ABCA13: variants seen among roughly 807,000 people sequenced by gnomAD.
ABCA13 encodes ATP binding cassette subfamily A member 13, also known as ATP-binding cassette sub-family A member 13.
In ABCA13, 476 loss-of-function variants were observed where a neutral mutation model predicts 478.7. That is an observed-to-expected ratio of 0.99 (90% confidence interval 0.92 to 1.07). The LOEUF is 1.07. Ranked by LOEUF, ABCA13 falls within the 50% of genes least tolerant of loss-of-function variation. The pLI is 0.00. For missense variants in ABCA13, 6,060 were observed against 5,910.6 expected, an observed-to-expected ratio of 1.03 and a Z score of -0.83; for synonymous variants, 2,252 against 2,158.9, an observed-to-expected ratio of 1.04 and a Z score of -1.20.
chr7:48,314,712 G>A (rs904440067), intron 26 of ABCA13, among the ~76,000 whole-genome samples: 1 of 152,108 alleles, frequency 6.6e-6, no homozygotes, highest in African/African-American at 2.4e-5. Context: ...GAGGGTCCAG[G>A]CATAAAGACC....
At chr7:48,179,465 G>A (rs573563898) in intron 1 of ABCA13, among the ~76,000 whole-genome samples, 1 of 152,168 alleles carries the variant, frequency 6.6e-6, no homozygotes. Context: ...GTTCCCCTGA[G>A]GGGTAGTACC....
At chr7:48,395,071 G>T (rs1233552839) in intron 38 of ABCA13, among the ~76,000 whole-genome samples, 1 of 152,218 alleles carries the variant, frequency 6.6e-6, no homozygotes, top group Non-Finnish European at 1.5e-5. Flanking sequence ...GCGTCCACAG[G>T]CCTCTCTCTT....
chr7:48,630,028 T>C (rs1045613092), intron 59 of ABCA13, among the ~76,000 whole-genome samples: 25 of 152,314 alleles, frequency 1.6e-4, no homozygotes, highest in African/African-American at 6.0e-4. Context: ...TTTGTTCTAC[T>C]TTTCCTTTTA....
Position 48,492,314 on chromosome 7 carries a change from T to C in ABCA13, c.13291+2970T>C, listed in dbSNP as rs532028479. ...GTCTTCTCCTGCATCACCTTAAGCA[T>C]TTCTGCTTAACTTTCTAGGCCCATC... On this transcript the variant is annotated intron_variant, in intron 48 of 61. Transcript: ENST00000435803. Among the ~76,000 whole-genome samples, 46 of 152,308 alleles carry C rather than the reference T, an allele frequency of 3.0e-4. No individual in the cohort carries two copies. In the South Asian group the frequency reaches 3.3e-3, roughly 11 times the overall value.
chr7:48,202,298 C>T (rs1798877142), intron 3 of ABCA13, among the ~76,000 whole-genome samples: 1 of 152,104 alleles, frequency 6.6e-6, no homozygotes, highest in Non-Finnish European at 1.5e-5. Flanking sequence ...GTTTATAATC[C>T]CTGAGCTAGA....
rs1271575709 is a variant in ABCA13, at chr7:48,192,044, CT to C, written c.70-911del. Among the ~76,000 whole-genome samples the C allele has an allele frequency of 2.0e-5, 3 of 152,164 alleles. No homozygotes were observed. The East Asian group carries it at 5.8e-4, about 29-fold the overall frequency. ...TGCCTACTTTTTGTCTGGCTATAAA[CT>C]TTTGTATTTGCAAAATGATGTCACA... is the stretch of plus-strand genomic sequence containing the variant. On this transcript the variant is annotated intron_variant, in intron 1 of 61. Coordinates refer to ENST00000435803, the MANE Select transcript of ABCA13 (RefSeq NM_152701.5).
At chr7:48,223,104 A>G (rs1787612658) in intron 5 of ABCA13, among the ~76,000 whole-genome samples, 2 of 152,122 alleles carry the variant, frequency 1.3e-5, no homozygotes. Flanking sequence ...AGATGACTCT[A>G]TGTGGTTTGA....
Position 48,239,339 on chromosome 7 carries a change from C to G in ABCA13, c.996C>G (p.His332Gln). ...AEKWGHVGGC[H>Q]PKWSEAKNYL... Reference sequence around the variant, plus strand: ...AATGGGGCCACGTTGGAGGCTGCCACCCTAAGTGGTCAGAAGCCAAAAACT... The same window carrying G: ...AATGGGGCCACGTTGGAGGCTGCCAGCCTAAGTGGTCAGAAGCCAAAAACT... The change falls in exon 9 of 62, where the codon CAC becomes CAG. Residue 332 changes from histidine to glutamine, a missense_variant. Physicochemically the swap from His to Gln is conservative, Grantham distance 24. Coordinates refer to ENST00000435803, the MANE Select transcript of ABCA13 (RefSeq NM_152701.5). 6.2e-7 allele frequency: 1 copy of G among 1,613,932 alleles called. No homozygotes were observed. The highest frequency in any genetic ancestry group is 8.5e-7 in the Non-Finnish European group (1 of 1,179,842).
intron 31 of ABCA13, among the ~76,000 whole-genome samples, chr7:48,365,176 A>G (rs1811480174): frequency 1.3e-5 from 2 of 152,098 alleles, no homozygotes; most frequent in East Asian, 1.9e-4. Context: ...TGTTCAGCAT[A>G]TATTTGTATA....
intron 41 of ABCA13, among the ~76,000 whole-genome samples, chr7:48,415,290 G>A (rs1324602126): frequency 6.6e-6 from 1 of 151,194 alleles, no homozygotes; most frequent in Non-Finnish European, 1.5e-5. Context: ...GCCATCCTGG[G>A]TCACTTGGAA....
intron 39 of ABCA13, among the ~76,000 whole-genome samples, chr7:48,405,664 T>C (rs1029184588): frequency 6.6e-6 from 1 of 152,234 alleles, no homozygotes; most frequent in Non-Finnish European, 1.5e-5. Flanking sequence ...AGCCCACTAC[T>C]CTTGTTTAGT....
At chr7:48,194,182 T>G (rs2128901055) in intron 2 of ABCA13, among the ~76,000 whole-genome samples, 6 of 14 alleles carry the variant, frequency 0.43, 3 homozygotes, top group Non-Finnish European at 1. Flanking sequence ...ATGATGCTGA[T>G]AGTGATAATG....
rs377401561 is a variant in ABCA13, at chr7:48,512,921, G to A, written c.13640+1722G>A. Among the ~76,000 whole-genome samples the A allele has an allele frequency of 1.4e-3, 207 of 152,298 alleles. 1 individual carries two copies. Among genetic ancestry groups the A allele is most frequent in the African/African-American group, 4.9e-3 (202 of 41,562 alleles). On this transcript the variant is annotated intron_variant, in intron 51 of 61. Coordinates refer to ENST00000435803, the MANE Select transcript of ABCA13 (RefSeq NM_152701.5). The stretch of plus-strand genomic sequence containing the variant: ...AACTCAGACCGTGTTTGTAATCATG[G>A]CTAATCCCAGGGAAGAAGAGCCCCC...
chr7:48,272,689 G>T lies in ABCA13; in HGVS notation c.3023G>T (p.Ser1008Ile). 1 of 1,612,350 alleles carries T rather than the reference G, an allele frequency of 6.2e-7. No individual in the cohort carries two copies. Among genetic ancestry groups the T allele is most frequent in the Non-Finnish European group, 8.5e-7 (1 of 1,179,000 alleles). The change falls in exon 17 of 62, where the codon AGT becomes ATT. Residue 1008 changes from serine to isoleucine, a missense_variant. Ser to Ile is a moderately radical substitution (Grantham distance 142, BLOSUM62 -2). This residue lies in a region of ABCA13 where 4,423 missense variants were observed against 4,309.1 expected (regional missense o/e 1.03). Coordinates refer to ENST00000435803, the MANE Select transcript of ABCA13 (RefSeq NM_152701.5). ...IIKQFNFQNI[S>I]KAFAFLFKTA... ...AAACAATTTAATTTCCAAAACATCA[G>T]TAAAGCATTTGCATTTTTATTTAAG...
chr7:48,481,283 G>A, intron 46 of ABCA13, 129 bp downstream of exon 46: 1 of 708,082 alleles, frequency 1.4e-6, no homozygotes, highest in South Asian at 1.8e-5. Flanking sequence ...AAATTCCACA[G>A]TGTGTGATGT....
intron 10 of ABCA13, among the ~76,000 whole-genome samples, chr7:48,243,809 A>G (rs1186669343): frequency 3.3e-5 from 5 of 152,334 alleles, no homozygotes; most frequent in Middle Eastern, 3.4e-3. Flanking sequence ...TTGGGCTTCA[A>G]GTAGCTACAT....
chr7:48,622,166 C>T (rs1793202389), intron 59 of ABCA13, among the ~76,000 whole-genome samples: 1 of 152,178 alleles, frequency 6.6e-6, no homozygotes, highest in Non-Finnish European at 1.5e-5. Context: ...TCTTGCTAAG[C>T]CTGCAAGGTT....
intron 41 of ABCA13, among the ~76,000 whole-genome samples, chr7:48,415,202 G>C (rs566848311): frequency 1.3e-5 from 2 of 152,194 alleles, no homozygotes; most frequent in Non-Finnish European, 2.9e-5. Flanking sequence ...CTAATCATTT[G>C]GACAGTTGAG....
chr7:48,188,704 T>C (rs1796684822), intron 1 of ABCA13, among the ~76,000 whole-genome samples: 1 of 152,158 alleles, frequency 6.6e-6, no homozygotes, highest in African/African-American at 2.4e-5. Flanking sequence ...GAAGTTTCAA[T>C]GTATCATTTT....
Sources: gnomAD v4.1 joint callset for allele counts (sites outside exome capture counted in the v4.1 genomes callset) on GRCh38, gnomAD v4.1.1 for gene constraint, gnomAD v4.1.1 regional missense constraint, MANE v1.5 for transcripts, NCBI Gene and HGNC (gene_info 2026-07-23, HGNC 2026-07-21) for gene names.